OR1L8: variants seen among roughly 807,000 people sequenced by gnomAD.
OR1L8 encodes the protein olfactory receptor family 1 subfamily L member 8, also known as olfactory receptor 1L8.
For missense variants in OR1L8, 330 were observed against 377.4 expected (o/e 0.87, Z 1.04); for synonymous variants, 148 against 147.0 (o/e 1.01, Z -0.05).
At chr9:122,547,081 T>A in the OR1L8 span, among the ~76,000 whole-genome samples, 2 of 150,970 alleles carry the variant, frequency 1.3e-5, no homozygotes, top group South Asian at 2.1e-4. Flanking sequence ...ATAATTTTTT[T>A]AAAAAGAATA....
intron 1 of OR1L8, among the ~76,000 whole-genome samples, chr9:122,581,091 G>A (rs1340842914): frequency 6.6e-6 from 1 of 152,104 alleles, no homozygotes; most frequent in Non-Finnish European, 1.5e-5. Context: ...ATATGGGCTG[G>A]GCACAGTGGC....
chr9:122,567,909 C>T lies in OR1L8; in HGVS notation c.569G>A (p.Cys190Tyr), dbSNP rs929028627. ...CDLSPVLKLSCSSIFVNEIVQ... is the reference protein window; with the variant it reads ...CDLSPVLKLSYSSIFVNEIVQ... Reference sequence around the variant, plus strand: ...AATTTCATTGACAAATATGGAAGAGCAGGACAATTTCAGCACAGGGCTGAG... The same window carrying T: ...AATTTCATTGACAAATATGGAAGAGTAGGACAATTTCAGCACAGGGCTGAG... Residue 190 changes from cysteine to tyrosine, a missense_variant, in exon 5 of 5, where the codon TGC becomes TAC. Cys to Tyr is a radical substitution (Grantham distance 194, BLOSUM62 -2). Coordinates refer to ENST00000641027, the MANE Select transcript of OR1L8 (RefSeq NM_001004454.2). The T allele has an allele frequency of 1.9e-6, 3 of 1,613,814 alleles. No homozygotes were observed. The highest frequency in any genetic ancestry group is 2.5e-6 in the Non-Finnish European group (3 of 1,179,904).
chr9:122,567,434 T>G lies in OR1L8; in HGVS notation c.*114A>C. The G allele has an allele frequency of 1.3e-6, 1 of 740,746 alleles. No homozygotes were observed. 45.9% of individuals were successfully genotyped at this position (740,746 alleles called of 1,614,324 possible). ...TGTAAGTGCCCACAATAGCCTTGTC[T>G]CACATGGGTCAGAAGTGCTAGCTTC... On this transcript the variant is annotated 3_prime_UTR_variant, in exon 5 of 5. Coordinates refer to ENST00000641027, the MANE Select transcript of OR1L8 (RefSeq NM_001004454.2).
At chr9:122,578,724 G>A (rs192023150) in intron 1 of OR1L8, among the ~76,000 whole-genome samples, 113 of 152,166 alleles carry the variant, frequency 7.4e-4, no homozygotes, top group Non-Finnish European at 6.2e-4. Flanking sequence ...ACCAAACATC[G>A]TATGTTCTCA....
At position 122,583,358 on chromosome 9, in the gene OR1L8, T is replaced by A. The variant is rs1354627422; in HGVS notation, c.-637A>T. 6.6e-6 allele frequency: 1 copy of A among 151,522 alleles called. No homozygotes were observed. The highest frequency in any genetic ancestry group is 2.4e-5 in the African/African-American group (1 of 41,298). 9.4% of individuals were successfully genotyped at this position (151,522 alleles called of 1,614,324 possible). On this transcript the variant is annotated 5_prime_UTR_variant, in exon 1 of 5. Transcript: ENST00000641027. ...CCGAAGGAGACAGGATGACTGAATATAATATAATATCCTCGATGGGATCCT... is the reference window on the plus strand; with the variant it reads ...CCGAAGGAGACAGGATGACTGAATAAAATATAATATCCTCGATGGGATCCT...
At chr9:122,580,962 G>C (rs1829731875) in intron 1 of OR1L8, among the ~76,000 whole-genome samples, 1 of 152,076 alleles carries the variant, frequency 6.6e-6, no homozygotes, top group Admixed American at 6.5e-5. Context: ...ATGAGCAATA[G>C]GCCTTTATTT....
chr9:122,576,287 G>A (rs1242918032), intron 3 of OR1L8, among the ~76,000 whole-genome samples: 1 of 151,842 alleles, frequency 6.6e-6, no homozygotes, highest in Non-Finnish European at 1.5e-5. Context: ...AGTGGCATGA[G>A]CTCAGCCCAC....
At chr9:122,581,129 A>C (rs1319734646) in intron 1 of OR1L8, among the ~76,000 whole-genome samples, 1 of 152,056 alleles carries the variant, frequency 6.6e-6, no homozygotes, top group African/African-American at 2.4e-5. Flanking sequence ...GCACTTTGGG[A>C]GGTTGAGGTA....
the OR1L8 span, among the ~76,000 whole-genome samples, chr9:122,560,973 T>C: frequency 2.0e-5 from 3 of 152,224 alleles, no homozygotes; most frequent in African/African-American, 2.4e-5. Context: ...CAATCAATCA[T>C]AGGTTCTGCC....
intron 4 of OR1L8, among the ~76,000 whole-genome samples, chr9:122,571,519 C>T (rs2118725390): frequency 6.8e-6 from 1 of 147,734 alleles, no homozygotes; most frequent in Admixed American, 6.8e-5. Flanking sequence ...CACTGCACTC[C>T]AGCCTGGCCA....
At chr9:122,548,323 A>G in the OR1L8 span, among the ~76,000 whole-genome samples, 1 of 152,182 alleles carries the variant, frequency 6.6e-6, no homozygotes, top group Non-Finnish European at 1.5e-5. Context: ...GTTTCTTTAT[A>G]TACATTTCCC....
the OR1L8 span, among the ~76,000 whole-genome samples, chr9:122,550,051 G>C: frequency 9.8e-4 from 140 of 142,690 alleles, 1 homozygote; most frequent in East Asian, 0.028. Flanking sequence ...GTGTTTTGTA[G>C]TTTTTCTTGT....
the OR1L8 span, among the ~76,000 whole-genome samples, chr9:122,552,872 C>A: frequency 0.53 from 79,205 of 150,760 alleles, 21,100 homozygotes; most frequent in East Asian, 0.66. Flanking sequence ...CTTTTCTAAT[C>A]TTGCCATCAA....
chr9:122,574,449 G>A (rs1054859451), intron 3 of OR1L8, among the ~76,000 whole-genome samples: 9 of 152,032 alleles, frequency 5.9e-5, no homozygotes, highest in African/African-American at 1.9e-4. Flanking sequence ...TTTGGGGGGT[G>A]CTAATGTAAA....
At chr9:122,558,085 G>A in the OR1L8 span, among the ~76,000 whole-genome samples, 2 of 151,516 alleles carry the variant, frequency 1.3e-5, no homozygotes, top group African/African-American at 4.8e-5. Flanking sequence ...AGTAACTTGT[G>A]TCTTCTTTCT....
chr9:122,582,388 C>T lies in OR1L8; in HGVS notation c.-600+933G>A, dbSNP rs1829748342. Reference sequence around the variant, plus strand: ...TTTAAGCCCAGACTTCAAAGACTTTCTAGAGATAAAGTTCCAAAATTTATG... The same window carrying T: ...TTTAAGCCCAGACTTCAAAGACTTTTTAGAGATAAAGTTCCAAAATTTATG... On this transcript the variant is annotated intron_variant, in intron 1 of 4. Transcript: ENST00000641027. 2.0e-5 allele frequency among the ~76,000 whole-genome samples: 3 copies of T among 152,102 alleles called. No homozygotes were observed. The South Asian group carries it at 6.2e-4, about 32-fold the overall frequency.
chr9:122,554,299 A>AG, the OR1L8 span: 5 of 673,332 alleles, frequency 7.4e-6, no homozygotes, highest in Non-Finnish European at 1.2e-5. Context: ...AAAAAAAAAA[A>AG]AAAGAGTGTT....
At position 122,567,500 on chromosome 9, in the gene OR1L8, G is replaced by T; in HGVS notation, c.*48C>A. ...TTCACCAGAAACCAGTAGAAAACAC[G>T]TCCAAGTTGAGCAGATTCCACTTAC... On this transcript the variant is annotated 3_prime_UTR_variant, in exon 5 of 5. Coordinates refer to ENST00000641027, the MANE Select transcript of OR1L8 (RefSeq NM_001004454.2). 3 of 1,371,270 alleles carry T rather than the reference G, an allele frequency of 2.2e-6. No individual in the cohort carries two copies. Among genetic ancestry groups the T allele is most frequent in the Non-Finnish European group, 3.0e-6 (3 of 1,000,138 alleles). 84.9% of individuals were successfully genotyped at this position (1,371,270 alleles called of 1,614,324 possible).
At chr9:122,568,922 A>T (rs1829488685) in intron 4 of OR1L8, among the ~76,000 whole-genome samples, 1 of 152,126 alleles carries the variant, frequency 6.6e-6, no homozygotes, top group South Asian at 2.1e-4. Flanking sequence ...TGAACAAAAT[A>T]AAATAGTATT....
Sources: allele counts gnomAD v4.1 joint callset (sites outside exome capture counted in the v4.1 genomes callset), GRCh38; gene constraint gnomAD v4.1.1; transcripts MANE v1.5; gene names NCBI Gene and HGNC (gene_info 2026-07-23, HGNC 2026-07-21).